Variants in ASTN1 observed in about 807,000 individuals in gnomAD.
The protein encoded by ASTN1 is astrotactin-1.
A neutral mutation model predicts 140.7 loss-of-function variants in ASTN1; 41 were observed. The observed-to-expected ratio is 0.29, with a 90% CI of 0.23 to 0.38. ASTN1 has a LOEUF of 0.38. Ranked by LOEUF, ASTN1 falls within the 10% of genes least tolerant of loss-of-function variation. The probability of loss-of-function intolerance (pLI) is 1.00; values close to 1 mark genes in which losing one functional copy is unlikely to be tolerated. For missense variants in ASTN1, 1,479 were observed against 1,678.8 expected, an observed-to-expected ratio of 0.88 and a Z score of 2.08; for synonymous variants, 640 against 652.2, an observed-to-expected ratio of 0.98 and a Z score of 0.29.
intron 1 of ASTN1, among the ~76,000 whole-genome samples, chr1:177,160,671 T>C (rs1647305852): frequency 6.6e-6 from 1 of 152,220 alleles, no homozygotes; most frequent in South Asian, 2.1e-4. Context: ...AGCAGGAATG[T>C]CTACTATTTT....
rs577620807 is a variant in ASTN1, at chr1:177,092,567, C to G, written c.284-31302G>C. On this transcript the variant is annotated intron_variant, in intron 1 of 22. Coordinates refer to ENST00000361833, the MANE Select transcript of ASTN1 (RefSeq NM_004319.3). ...TGCTTTTGGTGTCATATTTAAGATCCATTGCTTAATCCAAGATCACAGAAA... is the reference window on the plus strand; with the variant it reads ...TGCTTTTGGTGTCATATTTAAGATCGATTGCTTAATCCAAGATCACAGAAA... Among the ~76,000 whole-genome samples the G allele has an allele frequency of 1.5e-4, 23 of 152,218 alleles. 1 individual carries two copies. The highest frequency in any genetic ancestry group is 5.5e-4 in the African/African-American group (23 of 41,532).
intron 1 of ASTN1, among the ~76,000 whole-genome samples, chr1:177,119,103 G>A (rs991107603): frequency 6.6e-6 from 1 of 152,198 alleles, no homozygotes; most frequent in East Asian, 1.9e-4. Context: ...CTCTGTGCTC[G>A]TGAAACACCC....
Position 176,894,790 on chromosome 1 carries a change from G to T in ASTN1, c.2712C>A (p.Asp904Glu), listed in dbSNP as rs1669435292. 3 of 1,614,124 alleles carry T rather than the reference G, an allele frequency of 1.9e-6. No homozygotes were observed. The highest frequency in any genetic ancestry group is 1.7e-6 in the Non-Finnish European group (2 of 1,180,034). The part of the protein sequence containing the change: ...PSDESEERER[D>E]PKVLTFPEYI... ...ATTCTGGGAATGTCAGCACCTTGGG[G>T]TCTCTTTCCCGCTCCTCAGACTCAT... The change falls in exon 17 of 23, where the codon GAC (aspartate) becomes GAA (glutamate). Residue 904 changes from aspartate (D) to glutamate (E), a missense_variant. This residue lies in a region of ASTN1 where 746 missense variants were observed against 800.9 expected (regional missense o/e 0.93). Transcript: ENST00000361833.
chr1:177,157,281 TA>T (rs1446893541), intron 1 of ASTN1, among the ~76,000 whole-genome samples: 1 of 152,120 alleles, frequency 6.6e-6, no homozygotes, highest in Non-Finnish European at 1.5e-5. Context: ...TCCATAAAGC[TA>T]AAACTGTTCT....
chr1:176,935,761 T>C (rs553886019), intron 15 of ASTN1, among the ~76,000 whole-genome samples: 16 of 148,866 alleles, frequency 1.1e-4, no homozygotes, highest in South Asian at 4.3e-4. Context: ...CTCTCTCTCT[T>C]TCTCTCTCTC....
intron 17 of ASTN1, among the ~76,000 whole-genome samples, chr1:176,889,259 G>A (rs1173266597): frequency 6.6e-6 from 1 of 152,220 alleles, no homozygotes; most frequent in Non-Finnish European, 1.5e-5. Context: ...ATCCCAAGGG[G>A]AGGGAGAGGG....
chr1:176,966,937 T>C (rs916912127), intron 8 of ASTN1, among the ~76,000 whole-genome samples: 5 of 152,076 alleles, frequency 3.3e-5, no homozygotes, highest in African/African-American at 1.2e-4. Context: ...TTTATAAATT[T>C]TATTTACACA....
In ASTN1 at chr1:176,934,142, T is replaced by C; in HGVS notation, c.2671+10A>G. On this transcript the variant is annotated intron_variant, in intron 16 of 22. Transcript: ENST00000361833. ...GAGGTATGGAATTTGCCAACAAGCA[T>C]GCCACTCACCTTTACTGATGTCTTC... The C allele has an allele frequency of 6.3e-7, 1 of 1,596,540 alleles. No individual in the cohort carries two copies. The highest frequency in any genetic ancestry group is 8.6e-7 in the Non-Finnish European group (1 of 1,166,104).
chr1:177,083,883 G>T (rs893286035), intron 1 of ASTN1, among the ~76,000 whole-genome samples: 2 of 152,108 alleles, frequency 1.3e-5, no homozygotes, highest in African/African-American at 4.8e-5. Flanking sequence ...GAGAGTCAGA[G>T]GTCTCTAGGG....
chr1:176,902,780 T>C (rs1257155897), intron 16 of ASTN1, among the ~76,000 whole-genome samples: 1 of 152,170 alleles, frequency 6.6e-6, no homozygotes, highest in African/African-American at 2.4e-5. Context: ...TTGCATCCCT[T>C]TATGAATCAC....
chr1:177,086,066 A>G (rs759708930), intron 1 of ASTN1, among the ~76,000 whole-genome samples: 1 of 152,154 alleles, frequency 6.6e-6, no homozygotes, highest in Non-Finnish European at 1.5e-5. Flanking sequence ...GTGGGCCCTC[A>G]GAAAGGAAAA....
intron 17 of ASTN1, among the ~76,000 whole-genome samples, chr1:176,891,473 C>T (rs556718512): frequency 2.0e-5 from 3 of 152,198 alleles, no homozygotes; most frequent in East Asian, 1.9e-4. Flanking sequence ...TCAACAGCTG[C>T]GATAATAGGT....
At position 177,164,690 on chromosome 1, in the gene ASTN1, C is replaced by A; in HGVS notation, c.-14G>T. On this transcript the variant is annotated 5_prime_UTR_variant, in exon 1 of 23. Transcript: ENST00000361833. ...GGCTAAAGCCATCTTGAGCCCCGGC[C>A]GCCTTCCTCCTAGCGCTGCGATGGT... 6.5e-7 allele frequency: 1 copy of A among 1,541,172 alleles called. No individual in the cohort carries two copies. Among genetic ancestry groups the A allele is most frequent in the Non-Finnish European group, 8.7e-7 (1 of 1,146,086 alleles).
chr1:176,877,598 G>A (rs576954666), intron 20 of ASTN1, among the ~76,000 whole-genome samples: 17 of 152,242 alleles, frequency 1.1e-4, no homozygotes, highest in Admixed American at 1.1e-3. Context: ...TGGAGAGGAA[G>A]AAGAGGAATT....
intron 2 of ASTN1, among the ~76,000 whole-genome samples, chr1:177,046,685 A>G (rs1050628964): frequency 2.0e-5 from 3 of 152,232 alleles, no homozygotes; most frequent in Non-Finnish European, 4.4e-5. Flanking sequence ...ACACACATGC[A>G]GAGGGAGAGT....
chr1:177,058,327 T>C (rs1406396160), intron 2 of ASTN1, among the ~76,000 whole-genome samples: 2 of 152,190 alleles, frequency 1.3e-5, no homozygotes, highest in Non-Finnish European at 2.9e-5. Flanking sequence ...ACACAAATCT[T>C]TTGCACCCTT....
intron 6 of ASTN1, 124 bp from the exon 7 acceptor site, chr1:177,023,695 TC>T (rs1675949954): frequency 7.3e-6 from 8 of 1,096,872 alleles, no homozygotes; most frequent in South Asian, 5.8e-5. Flanking sequence ...CTCTCACCAT[TC>T]CTAGCCCATC....
intron 20 of ASTN1, among the ~76,000 whole-genome samples, chr1:176,878,967 G>A (rs1233085787): frequency 1.3e-5 from 2 of 152,148 alleles, no homozygotes; most frequent in African/African-American, 4.8e-5. Context: ...TAGGAAGTCC[G>A]TCCTCTGCCC....
intron 11 of ASTN1, among the ~76,000 whole-genome samples, chr1:176,951,329 A>G (rs1672184091): frequency 1.3e-5 from 2 of 152,208 alleles, no homozygotes; most frequent in Non-Finnish European, 2.9e-5. Context: ...ACCAGAAGGG[A>G]GCTGGCTTCA....
Sources: gnomAD v4.1 joint callset for allele counts (sites outside exome capture counted in the v4.1 genomes callset) on GRCh38, gnomAD v4.1.1 for gene constraint, gnomAD v4.1.1 regional missense constraint, MANE v1.5 for transcripts, NCBI Gene and HGNC (gene_info 2026-07-23, HGNC 2026-07-21) for gene names.